Variants in CCNL1 observed in about 807,000 individuals in gnomAD.
The protein encoded by CCNL1 is cyclin L1.
Under a neutral mutation model 60.6 loss-of-function variants are expected in CCNL1, and 13 were observed. The ratio of observed to expected loss-of-function variants is 0.21; its 90% confidence interval spans 0.14 to 0.34. The LOEUF (loss-of-function observed/expected upper bound fraction) is 0.34, where lower values mean the gene tolerates loss of function less well. Among genes scored for constraint, CCNL1 ranks in the 10% least tolerant of loss-of-function variants. CCNL1 has a pLI of 1.00. For synonymous variants in CCNL1, 270 were observed against 244.3 expected (o/e 1.10, Z -0.98); for missense variants, 481 against 664.3 (o/e 0.72, Z 3.03).
intron 3 of CCNL1, 84 bp from the exon 4 acceptor site, chr3:157,153,240 C>A (rs1738337892): frequency 7.3e-7 from 1 of 1,378,324 alleles, no homozygotes; most frequent in Non-Finnish European, 9.9e-7. Context: ...CCCTTCCAAC[C>A]AACTATTGGC....
intron 5 of CCNL1, chr3:157,151,268 C>A: frequency 1.0e-6 from 1 of 985,452 alleles, no homozygotes; most frequent in Non-Finnish European, 1.2e-6. Flanking sequence ...CTGGGAAGCC[C>A]AGAATATAAA....
At chr3:157,153,447 G>A (rs1053411701) in intron 3 of CCNL1, 6 of 294,500 alleles carry the variant, frequency 2.0e-5, no homozygotes, top group Admixed American at 1.9e-4. Context: ...TATTCTAGGT[G>A]TGTATATATA....
intron 8 of CCNL1, 66 bp downstream of exon 8, chr3:157,149,769 TA>T (rs748782825): frequency 6.4e-7 from 1 of 1,562,230 alleles, no homozygotes; most frequent in East Asian, 2.2e-5. Context: ...CTTTCAAATG[TA>T]AAAGCTCTCT....
chr3:157,159,383 T>C (rs769861259), intron 2 of CCNL1, 22 bp downstream of exon 2: 11 of 1,612,480 alleles, frequency 6.8e-6, no homozygotes, highest in Non-Finnish European at 9.3e-6. Context: ...AAATCCCTTT[T>C]ACCCGCCTCC....
chr3:157,147,525 T>A (rs1737828863), downstream of CCNL1: 5 of 941,502 alleles, frequency 5.3e-6, no homozygotes, highest in African/African-American at 7.1e-5. Context: ...CAAAATTACC[T>A]TATGACACCA....
Position 157,148,326 on chromosome 3 carries a change from C to A in CCNL1, c.1496G>T (p.Arg499Leu). ...RHERGHHRDRRERSRSFERSH... is the reference protein window; with the variant it reads ...RHERGHHRDRLERSRSFERSH... The stretch of plus-strand genomic sequence containing the variant: ...CCTCTCAAAGGAGCGAGATCGTTCA[C>A]GCCTGTCCCTATGATGTCCCCTTTC... Residue 499 changes from arginine to leucine, a missense_variant, in exon 11 of 11, where the codon CGT (arginine) becomes CTT (leucine). By Grantham distance (102) the Arg-to-Leu change is moderately radical. Coordinates refer to ENST00000295926, the MANE Select transcript of CCNL1 (RefSeq NM_020307.4). The A allele has an allele frequency of 1.2e-6, 2 of 1,614,212 alleles. No individual in the cohort carries two copies. The highest frequency in any genetic ancestry group is 1.7e-6 in the Non-Finnish European group (2 of 1,180,024).
At chr3:157,149,078 C>A (rs575345352) in intron 10 of CCNL1, 1 of 562,034 alleles carries the variant, frequency 1.8e-6, no homozygotes, top group East Asian at 2.9e-5. Flanking sequence ...CTACACTTCT[C>A]CAAAAAACAT....
chr3:157,149,012 A>G (rs1737961850), intron 10 of CCNL1: 1 of 351,980 alleles, frequency 2.8e-6, no homozygotes, highest in Non-Finnish European at 5.1e-6. Context: ...AAAAAAAAAA[A>G]GAAGTTTTCA....
chr3:157,159,121 C>A (rs899856216), intron 2 of CCNL1, 146 bp from the exon 3 acceptor site: 33 of 640,046 alleles, frequency 5.2e-5, no homozygotes, highest in Admixed American at 4.7e-4. Flanking sequence ...TAGTACTATA[C>A]TTTTTGTTGT....
At chr3:157,153,198 C>A in intron 3 of CCNL1, 42 bp from the exon 4 acceptor site, 1 of 1,573,254 alleles carries the variant, frequency 6.4e-7, no homozygotes, top group Non-Finnish European at 8.6e-7. Context: ...TTTTGCACAT[C>A]CAAAAAATTT....
downstream of CCNL1, among the ~76,000 whole-genome samples, chr3:157,146,272 G>A (rs994994453): frequency 6.6e-6 from 1 of 152,092 alleles, no homozygotes; most frequent in African/African-American, 2.4e-5. Context: ...CCATAGAGTG[G>A]CATGAGGTTA....
intron 5 of CCNL1, 170 bp downstream of exon 5, chr3:157,152,007 C>A: frequency 7.0e-7 from 1 of 1,420,846 alleles, no homozygotes; most frequent in African/African-American, 1.5e-5. Flanking sequence ...GCCAAGAAAA[C>A]AGGAAGCAGA....
intron 5 of CCNL1, chr3:157,151,844 G>C: frequency 8.6e-7 from 1 of 1,166,942 alleles, no homozygotes; most frequent in South Asian, 1.9e-5. Flanking sequence ...GGATTGGCTG[G>C]AGAGCAGGGT....
At chr3:157,159,638 C>CCGCCCCGGCA (rs1377439379) in intron 1 of CCNL1, among the ~76,000 whole-genome samples, 154 bp downstream of exon 1, 3 of 152,336 alleles carry the variant, frequency 2.0e-5, no homozygotes, top group South Asian at 4.1e-4. Flanking sequence ...CCGCAGCCCC[C>CCGCCCCGGCA]CGCCCCGGCA....
intron 4 of CCNL1, chr3:157,152,667 A>C: frequency 9.1e-7 from 1 of 1,094,602 alleles, no homozygotes; most frequent in Non-Finnish European, 1.1e-6. Context: ...CAGCCAACAC[A>C]CTTAGAACAT....
chr3:157,158,066 A>G (rs886146084), intron 3 of CCNL1, among the ~76,000 whole-genome samples: 2 of 152,236 alleles, frequency 1.3e-5, no homozygotes, highest in African/African-American at 4.8e-5. Context: ...CATGTACTGG[A>G]AGTCACCTGT....
intron 10 of CCNL1, 91 bp downstream of exon 10, chr3:157,149,196 T>G: frequency 9.3e-7 from 1 of 1,069,670 alleles, no homozygotes. Context: ...AACCTAACTT[T>G]GAAAATAATC....
chr3:157,150,550 T>TAAG, intron 5 of CCNL1, 169 bp from the exon 6 acceptor site: 1 of 1,373,234 alleles, frequency 7.3e-7, no homozygotes, highest in South Asian at 1.8e-5. Flanking sequence ...CAGTAAGCAA[T>TAAG]AAGAATTTAA....
Position 157,148,112 on chromosome 3 carries a change from C to CT in CCNL1, c.*128dup. ...TTCAAAAGAAACTGTCCTCAGTGTTCTAGAGACCTAGAGGGTTTCAAGAAA... is the reference window on the plus strand; with the variant it reads ...TTCAAAAGAAACTGTCCTCAGTGTTCTTAGAGACCTAGAGGGTTTCAAGAAA... On this transcript the variant is annotated 3_prime_UTR_variant, in exon 11 of 11. Coordinates refer to ENST00000295926, the MANE Select transcript of CCNL1 (RefSeq NM_020307.4). 6.9e-7 allele frequency: 1 copy of CT among 1,441,196 alleles called. No individual in the cohort carries two copies. Among genetic ancestry groups the CT allele is most frequent in the Non-Finnish European group, 9.1e-7 (1 of 1,097,498 alleles). The allele number at this position is 1,441,196 out of a possible 1,614,324, so 89.3% of individuals were successfully genotyped here.
Sources: gnomAD v4.1 joint callset for allele counts (sites outside exome capture counted in the v4.1 genomes callset) on GRCh38, gnomAD v4.1.1 for gene constraint, MANE v1.5 for transcripts, NCBI Gene and HGNC (gene_info 2026-07-23, HGNC 2026-07-21) for gene names.